Variants in ZNF727 observed in about 807,000 individuals in gnomAD.
ZNF727 encodes zinc finger protein 727.
ZNF727 carries 11 observed loss-of-function variants against 11.5 expected under a neutral mutation model. The observed-to-expected ratio is 0.95, with a 90% confidence interval of 0.60 to 1.58. The LOEUF is 1.58. Among genes scored for constraint, ZNF727 ranks in the 40% most tolerant of loss-of-function variants. ZNF727 has a pLI of 0.00. For missense variants in ZNF727, 533 were observed against 581.7 expected, an observed-to-expected ratio of 0.92 and a Z score of 0.86; for synonymous variants, 171 against 196.1, an observed-to-expected ratio of 0.87 and a Z score of 1.07.
chr7:64,075,363 A>G (rs1310749849), intron 3 of ZNF727, among the ~76,000 whole-genome samples: 1 of 152,068 alleles, frequency 6.6e-6, no homozygotes, highest in Non-Finnish European at 1.5e-5. Context: ...CTATTTCATC[A>G]TATTTTCTCA....
chr7:64,052,461 G>A (rs1232772719), intron 1 of ZNF727, among the ~76,000 whole-genome samples: 2 of 150,060 alleles, frequency 1.3e-5, no homozygotes, highest in African/African-American at 4.9e-5. Flanking sequence ...TGATTGTGAG[G>A]CCTCCCCAGC....
chr7:64,052,599 A>AGT (rs142196306), intron 1 of ZNF727, among the ~76,000 whole-genome samples: 2,728 of 152,232 alleles, frequency 0.018, 161 homozygotes, highest in East Asian at 0.18. Context: ...GGCACTGCCT[A>AGT]GTGAAGCTGC....
In ZNF727 at chr7:64,079,213, G is replaced by C. The variant is rs1454954332; in HGVS notation, c.*664G>C. Among the ~76,000 whole-genome samples the C allele has an allele frequency of 6.6e-6, 1 of 152,188 alleles. No homozygotes were observed. Among genetic ancestry groups the C allele is most frequent in the Admixed American group, 6.5e-5 (1 of 15,280 alleles). ...CGTTCTCACACGTCATTAGACATAA[G>C]ACAATTCATAGTAGAGAGAAGCTCC... On this transcript the variant is annotated 3_prime_UTR_variant, in exon 4 of 4. Coordinates refer to ENST00000456806, the MANE Select transcript of ZNF727 (RefSeq NM_001159522.3).
chr7:64,046,230 A>C (rs6979758), intron 1 of ZNF727, among the ~76,000 whole-genome samples: 97,211 of 151,840 alleles, frequency 0.64, 31,833 homozygotes, highest in Non-Finnish European at 0.71. Context: ...GGGTTTTTGC[A>C]ATGTTGCTCA....
intron 1 of ZNF727, among the ~76,000 whole-genome samples, chr7:64,047,197 A>C (rs961103312): frequency 9.2e-5 from 14 of 152,196 alleles, no homozygotes; most frequent in Non-Finnish European, 1.6e-4. Flanking sequence ...TAACTGTTAT[A>C]GGGACTGTAG....
intron 1 of ZNF727, among the ~76,000 whole-genome samples, chr7:64,067,325 CAG>C (rs1173115275): frequency 2.6e-5 from 4 of 152,138 alleles, no homozygotes; most frequent in Admixed American, 2.0e-4. Flanking sequence ...TTGTGGAGGA[CAG>C]TGTGGCAATT....
intron 1 of ZNF727, among the ~76,000 whole-genome samples, chr7:64,068,304 C>G (rs1332219741): frequency 1.3e-5 from 2 of 152,138 alleles, no homozygotes; most frequent in Admixed American, 6.6e-5. Context: ...CTTCTCTTTG[C>G]ATATCGCTTC....
At chr7:64,058,571 A>G (rs747047318) in intron 1 of ZNF727, among the ~76,000 whole-genome samples, 1 of 152,096 alleles carries the variant, frequency 6.6e-6, no homozygotes, top group African/African-American at 2.4e-5. Flanking sequence ...TTCTACCTGC[A>G]TAGACACAGA....
At chr7:64,061,431 TTTCTC>T (rs1393858888) in intron 1 of ZNF727, among the ~76,000 whole-genome samples, 1 of 151,746 alleles carries the variant, frequency 6.6e-6, no homozygotes, top group Admixed American at 6.6e-5. Flanking sequence ...TAACTTTTGT[TTTCTC>T]TTTTTATAGT....
At chr7:64,048,889 T>G (rs1181171709) in intron 1 of ZNF727, among the ~76,000 whole-genome samples, 1 of 152,176 alleles carries the variant, frequency 6.6e-6, no homozygotes, top group African/African-American at 2.4e-5. Context: ...AAACAGAATC[T>G]TCATCTAAAA....
chr7:64,049,850 G>T (rs1489753211), intron 1 of ZNF727, among the ~76,000 whole-genome samples: 1 of 151,402 alleles, frequency 6.6e-6, no homozygotes, highest in Non-Finnish European at 1.5e-5. Context: ...AAAGATTTGA[G>T]AAACTATTTA....
chr7:64,075,446 C>G (rs1291051001), intron 3 of ZNF727, among the ~76,000 whole-genome samples: 1 of 151,406 alleles, frequency 6.6e-6, no homozygotes, highest in Non-Finnish European at 1.5e-5. Context: ...ACTAGTGATT[C>G]AAACTTCATT....
chr7:64,080,318 T>A lies in ZNF727; in HGVS notation c.*1769T>A, dbSNP rs1293601669. 6.6e-6 allele frequency among the ~76,000 whole-genome samples: 1 copy of A among 152,206 alleles called. No homozygotes were observed. Among genetic ancestry groups the A allele is most frequent in the African/African-American group, 2.4e-5 (1 of 41,448 alleles). On this transcript the variant is annotated 3_prime_UTR_variant, in exon 4 of 4. Transcript: ENST00000456806. ...TTATAGATTTGGTTTATTTACATAA[T>A]CTGTTATTTCTTGGAGGTTTTGTTC... is the stretch of plus-strand genomic sequence containing the variant.
intron 1 of ZNF727, among the ~76,000 whole-genome samples, chr7:64,055,390 C>A (rs1789667312): frequency 6.7e-6 from 1 of 150,090 alleles, no homozygotes; most frequent in Admixed American, 6.7e-5. Flanking sequence ...TGCACTCCAG[C>A]CTGGCAACGG....
Position 64,068,964 on chromosome 7 carries a change from A to C in ZNF727, c.77A>C (p.Gln26Pro). 2 of 1,606,438 alleles carry C rather than the reference A, an allele frequency of 1.2e-6. No individual in the cohort carries two copies. Among genetic ancestry groups the C allele is most frequent in the Non-Finnish European group, 1.7e-6 (2 of 1,175,868 alleles). The change falls in exon 2 of 4, where the codon CAG (glutamine) becomes CCG (proline). Residue 26 changes from glutamine (Q) to proline (P), a missense_variant. Gln to Pro is a moderately conservative substitution (Grantham distance 76). Coordinates refer to ENST00000456806, the MANE Select transcript of ZNF727 (RefSeq NM_001159522.3). ...EEWECLDSAQ[Q>P]RLYRDVMLEN... is the part of the protein sequence containing the mutation. ...TGGGAATGCCTGGACTCTGCTCAGC[A>C]GCGTTTGTATAGGGATGTGATGTTA...
At chr7:64,047,159 G>A (rs1789521002) in intron 1 of ZNF727, among the ~76,000 whole-genome samples, 1 of 152,052 alleles carries the variant, frequency 6.6e-6, no homozygotes, top group African/African-American at 2.4e-5. Flanking sequence ...TGGCAAGCAG[G>A]GTCTCAAATC....
intron 1 of ZNF727, among the ~76,000 whole-genome samples, chr7:64,061,155 G>T (rs896913530): frequency 6.6e-6 from 1 of 152,082 alleles, no homozygotes; most frequent in Non-Finnish European, 1.5e-5. Context: ...GTGGCTTTTT[G>T]ATGAAATTCT....
At chr7:64,051,490 A>G (rs971597601) in intron 1 of ZNF727, among the ~76,000 whole-genome samples, 1 of 152,228 alleles carries the variant, frequency 6.6e-6, no homozygotes, top group African/African-American at 2.4e-5. Flanking sequence ...GGAGTAGACA[A>G]GTTTACAAAT....
intron 3 of ZNF727, 29 bp downstream of exon 3, chr7:64,069,638 A>G (rs773731339): frequency 2.7e-6 from 4 of 1,507,626 alleles, no homozygotes; most frequent in Non-Finnish European, 3.6e-6. Flanking sequence ...AGCAAATGAC[A>G]TAAATGACGG....
Sources: allele counts gnomAD v4.1 joint callset (sites outside exome capture counted in the v4.1 genomes callset), GRCh38; gene constraint gnomAD v4.1.1; transcripts MANE v1.5; gene names NCBI Gene and HGNC (gene_info 2026-07-23, HGNC 2026-07-21).